The following RANBP17 variants were observed in gnomAD, a reference collection of about 807,000 sequenced individuals.
The protein encoded by RANBP17 is ran-binding protein 17.
Under a neutral mutation model 141.2 loss-of-function variants are expected in RANBP17, and 158 were observed. The ratio of observed to expected loss-of-function variants is 1.12; its 90% confidence interval spans 0.98 to 1.28. RANBP17 has a LOEUF of 1.28. Ranked by LOEUF, RANBP17 falls within the 50% of genes most tolerant of loss-of-function variation. The pLI, the probability that RANBP17 is intolerant of heterozygous loss-of-function variation, is 0.00. For synonymous variants in RANBP17, 430 were observed against 450.0 expected, an observed-to-expected ratio of 0.96 and a Z score of 0.56; for missense variants, 1,438 against 1,290.7, an observed-to-expected ratio of 1.11 and a Z score of -1.75.
At chr5:170,968,633 T>G (rs963873604) in intron 14 of RANBP17, 2 of 536,552 alleles carry the variant, frequency 3.7e-6, no homozygotes, top group Admixed American at 2.3e-5. Context: ...TGAGATTATT[T>G]TAAACACTAA....
chr5:170,966,302 C>T (rs1403108915), intron 13 of RANBP17, among the ~76,000 whole-genome samples: 1 of 152,178 alleles, frequency 6.6e-6, no homozygotes, highest in Non-Finnish European at 1.5e-5. Context: ...CAATAAAATA[C>T]TGGCAAACGA....
chr5:170,919,014 G>A (rs1448995283), intron 10 of RANBP17, among the ~76,000 whole-genome samples, 155 bp downstream of exon 10: 1 of 152,056 alleles, frequency 6.6e-6, no homozygotes, highest in African/African-American at 2.4e-5. Context: ...TCATTGAAAT[G>A]TATATAATAA....
At chr5:171,055,345 C>T (rs1353145481) in intron 14 of RANBP17, among the ~76,000 whole-genome samples, 2 of 152,120 alleles carry the variant, frequency 1.3e-5, no homozygotes, top group Admixed American at 6.6e-5. Flanking sequence ...ATGAAACTAG[C>T]ATGTACTAAC....
At chr5:171,167,588 G>C (rs1008228120) in intron 14 of RANBP17, among the ~76,000 whole-genome samples, 2 of 152,088 alleles carry the variant, frequency 1.3e-5, no homozygotes, top group African/African-American at 4.8e-5. Context: ...CAAAGAATTT[G>C]TGCTTTGAGT....
intron 5 of RANBP17, among the ~76,000 whole-genome samples, chr5:170,900,131 G>C (rs116111013): frequency 1.1e-3 from 160 of 152,254 alleles, no homozygotes; most frequent in African/African-American, 3.7e-3. Flanking sequence ...ATTCAGTCGT[G>C]AATCCGTCTG....
intron 3 of RANBP17, among the ~76,000 whole-genome samples, chr5:170,889,089 A>G (rs905509841): frequency 2.7e-5 from 4 of 149,826 alleles, no homozygotes; most frequent in African/African-American, 9.8e-5. Context: ...TTTTTGTTCC[A>G]TGTTCTCTTT....
intron 24 of RANBP17, among the ~76,000 whole-genome samples, chr5:171,248,050 G>T (rs369893035): frequency 6.6e-6 from 1 of 152,162 alleles, no homozygotes; most frequent in South Asian, 2.1e-4. Context: ...ACATCTAGAA[G>T]AGAAGACTAG....
Position 171,183,379 on chromosome 5 carries a change from T to G in RANBP17, c.1987T>G (p.Cys663Gly), listed in dbSNP as rs745571150. The change falls in exon 18 of 28, where the codon TGT (cysteine) becomes GGT (glycine). Residue 663 changes from cysteine (C) to glycine (G), a missense_variant. Physicochemically the swap from Cys to Gly is radical, Grantham distance 159. Transcript: ENST00000523189. The part of the protein sequence containing the change: ...SDNHSLSDFR[C>G]RTTFYTALTR... ...CAATCATAGTCTCAGCGACTTCAGG[T>G]GTCGAACAACCTTCTACACAGCGCT... The G allele has an allele frequency of 7.4e-6, 12 of 1,613,954 alleles. No individual in the cohort carries two copies. The highest frequency in any genetic ancestry group is 1.0e-5 in the Non-Finnish European group (12 of 1,179,940).
intron 14 of RANBP17, among the ~76,000 whole-genome samples, chr5:171,039,820 T>C (rs967604438): frequency 3.9e-5 from 6 of 152,092 alleles, no homozygotes; most frequent in African/African-American, 1.4e-4. Context: ...CAAGTTTGAA[T>C]CAGGAAGAAA....
At chr5:170,997,225 A>G (rs915862273) in intron 14 of RANBP17, among the ~76,000 whole-genome samples, 9 of 152,166 alleles carry the variant, frequency 5.9e-5, no homozygotes, top group African/African-American at 2.2e-4. Flanking sequence ...TTCCCCAGCC[A>G]TGCAGAACTG....
intron 14 of RANBP17, among the ~76,000 whole-genome samples, chr5:171,037,937 G>A (rs199613542): frequency 1.3e-5 from 2 of 151,300 alleles, no homozygotes; most frequent in Non-Finnish European, 3.0e-5. Flanking sequence ...TTTTAGAATA[G>A]TTTTTTTTTA....
intron 14 of RANBP17, among the ~76,000 whole-genome samples, chr5:171,119,725 G>T (rs940801714): frequency 6.6e-6 from 1 of 152,194 alleles, no homozygotes; most frequent in African/African-American, 2.4e-5. Flanking sequence ...TAATGCTGTG[G>T]TTTTTGCAGA....
intron 14 of RANBP17, among the ~76,000 whole-genome samples, chr5:171,136,864 G>T (rs1251682061): frequency 6.6e-6 from 1 of 152,090 alleles, no homozygotes; most frequent in East Asian, 1.9e-4. Flanking sequence ...CGTTTGAGTG[G>T]TTGTAGGAAA....
rs551619047 is a variant in RANBP17 at position 171,258,765 on chromosome 5, T to TA, written c.2777-6909dup. ...TTAAAGACTTAAAGCCCAAAACTGT[T>TA]AAAAAAATACTAGAAGAAAACCTAG... On this transcript the variant is annotated intron_variant, in intron 24 of 27. Coordinates refer to ENST00000523189, the MANE Select transcript of RANBP17 (RefSeq NM_022897.5). 2.4e-3 allele frequency among the ~76,000 whole-genome samples: 368 copies of TA among 152,012 alleles called. 1 individual carries two copies. Among genetic ancestry groups the TA allele is most frequent in the African/African-American group, 7.5e-3 (311 of 41,458 alleles).
chr5:170,915,598 C>T (rs554871518), intron 8 of RANBP17, among the ~76,000 whole-genome samples: 12 of 152,058 alleles, frequency 7.9e-5, no homozygotes, highest in African/African-American at 1.9e-4. Context: ...CTAAAAAGGG[C>T]GTCATTTGAT....
intron 14 of RANBP17, among the ~76,000 whole-genome samples, chr5:171,027,928 T>TTA (rs1174298057): frequency 1.3e-5 from 2 of 152,054 alleles, no homozygotes; most frequent in Non-Finnish European, 2.9e-5. Flanking sequence ...TTTGAGTACT[T>TTA]TATTAAAGTA....
intron 14 of RANBP17, among the ~76,000 whole-genome samples, chr5:170,975,843 C>A (rs1777329835): frequency 1.1e-5 from 1 of 90,332 alleles, no homozygotes; most frequent in African/African-American, 3.0e-5. Flanking sequence ...AGCTAAAAAA[C>A]AAAAAAACAA....
intron 12 of RANBP17, among the ~76,000 whole-genome samples, chr5:170,932,747 CA>C (rs1345678816): frequency 1.3e-5 from 2 of 152,134 alleles, no homozygotes; most frequent in Non-Finnish European, 2.9e-5. Context: ...CCTTGCATCC[CA>C]GGGATGAAGC....
chr5:171,085,104 T>A (rs923078150), intron 14 of RANBP17, among the ~76,000 whole-genome samples: 2 of 80,724 alleles, frequency 2.5e-5, no homozygotes, highest in African/African-American at 9.5e-5. Flanking sequence ...AGGTCTAACG[T>A]TTAAATCTTT....
Sources: allele counts gnomAD v4.1 joint callset (sites outside exome capture counted in the v4.1 genomes callset), GRCh38; gene constraint gnomAD v4.1.1; transcripts MANE v1.5; gene names NCBI Gene and HGNC (gene_info 2026-07-23, HGNC 2026-07-21).